FBXO10: variants seen among roughly 807,000 people sequenced by gnomAD.
The protein encoded by FBXO10 is F-box protein 10, also known as F-box only protein 10.
Under a neutral mutation model 80.7 loss-of-function variants are expected in FBXO10, and 39 were observed. That is an observed-to-expected ratio of 0.48 (90% CI 0.37 to 0.63). The LOEUF is 0.63. FBXO10 is among the 30% of genes least tolerant of loss of function. The pLI, the probability that FBXO10 is intolerant of heterozygous loss-of-function variation, is 0.00. For synonymous variants in FBXO10, 449 were observed against 489.6 expected, an observed-to-expected ratio of 0.92 and a Z score of 1.09; for missense variants, 1,025 against 1,269.0, an observed-to-expected ratio of 0.81 and a Z score of 2.92.
intron 10 of FBXO10, among the ~76,000 whole-genome samples, chr9:37,513,096 G>C (rs1434203765): frequency 6.6e-6 from 1 of 152,168 alleles, no homozygotes; most frequent in Admixed American, 6.5e-5. Context: ...CTCCCAAAGT[G>C]CTGGGATTAT....
chr9:37,513,747 G>A (rs1821117488), intron 10 of FBXO10, among the ~76,000 whole-genome samples: 1 of 152,002 alleles, frequency 6.6e-6, no homozygotes, highest in African/African-American at 2.4e-5. Flanking sequence ...GTGCCATGAT[G>A]CCCAGCTAAT....
chr9:37,559,756 G>T (rs909854987), intron 1 of FBXO10, among the ~76,000 whole-genome samples: 5 of 152,188 alleles, frequency 3.3e-5, no homozygotes, highest in African/African-American at 1.2e-4. Flanking sequence ...TTTTCTCTGT[G>T]GCACAGCAAC....
chr9:37,524,054 G>A (rs1427470605), intron 6 of FBXO10, among the ~76,000 whole-genome samples: 2 of 152,326 alleles, frequency 1.3e-5, no homozygotes, highest in South Asian at 2.1e-4. Context: ...GCCTCTTCCT[G>A]TCTCCATGTC....
chr9:37,521,532 GA>G (rs1821344751), intron 8 of FBXO10, 36 bp downstream of exon 8: 1 of 1,495,968 alleles, frequency 6.7e-7, no homozygotes, highest in Non-Finnish European at 8.9e-7. Context: ...GGGAGCCATG[GA>G]AGGTTCTTGA....
intron 4 of FBXO10, among the ~76,000 whole-genome samples, chr9:37,530,759 C>A (rs1821599898): frequency 6.6e-6 from 1 of 152,174 alleles, no homozygotes; most frequent in African/African-American, 2.4e-5. Context: ...CCCACCTCCG[C>A]CTCCCAAGTA....
intron 6 of FBXO10, among the ~76,000 whole-genome samples, chr9:37,523,317 A>C (rs1054000468): frequency 6.6e-6 from 1 of 152,172 alleles, no homozygotes; most frequent in Non-Finnish European, 1.5e-5. Context: ...TAGGAGGCCA[A>C]GGCGGGTAGA....
At chr9:37,547,283 A>G (rs1046014182) in intron 1 of FBXO10, among the ~76,000 whole-genome samples, 1 of 152,320 alleles carries the variant, frequency 6.6e-6, no homozygotes, top group East Asian at 1.9e-4. Context: ...AAGAACATGT[A>G]TGAACCTCAA....
chr9:37,522,606 C>A, intron 7 of FBXO10: 1 of 1,306,692 alleles, frequency 7.7e-7, no homozygotes, highest in Non-Finnish European at 1.0e-6. Context: ...GGGATAAAGC[C>A]TTCTGCTTTG....
chr9:37,537,646 G>C lies in FBXO10; in HGVS notation c.883C>G (p.Leu295Val), dbSNP rs1821805727. The C allele has an allele frequency of 6.2e-7, 1 of 1,614,002 alleles. No homozygotes were observed. The highest frequency in any genetic ancestry group is 8.5e-7 in the Non-Finnish European group (1 of 1,179,896). ...GCCTGGTCCCGGCTCTCTAGGTCCA[G>C]GGACATTAAAAAGTCAGAGTCCTCT... ...PTEDSDFLMS[L>V]DLESRDQAWS... The change falls in exon 3 of 11, where the codon CTG (leucine) becomes GTG (valine). Residue 295 changes from leucine to valine, a missense_variant. Physicochemically the swap from Leu to Val is conservative, Grantham distance 32. Coordinates refer to ENST00000432825, the MANE Select transcript of FBXO10 (RefSeq NM_012166.3).
At chr9:37,513,881 C>T (rs1305397996) in intron 10 of FBXO10, among the ~76,000 whole-genome samples, 3 of 152,214 alleles carry the variant, frequency 2.0e-5, no homozygotes, top group Non-Finnish European at 2.9e-5. Flanking sequence ...TGAGCCACCG[C>T]ACCCGGCCAC....
Position 37,537,623 on chromosome 9 carries a change from C to T in FBXO10, c.906G>A (p.Gln302=). The change falls in exon 3 of 11, where the codon CAG becomes CAA. Residue 302 remains glutamine, a synonymous_variant. Transcript: ENST00000432825. ...LMSLDLESRD[Q]AWSPKTCDIV... ...TGTCACAGGTCTTTGGGCTCCAGGC[C>T]TGGTCCCGGCTCTCTAGGTCCAGGG... 6.2e-7 allele frequency: 1 copy of T among 1,614,004 alleles called. No homozygotes were observed. Among genetic ancestry groups the T allele is most frequent in the Non-Finnish European group, 8.5e-7 (1 of 1,179,884 alleles).
intron 1 of FBXO10, among the ~76,000 whole-genome samples, chr9:37,567,453 C>T (rs1822638237): frequency 6.6e-6 from 1 of 151,358 alleles, no homozygotes; most frequent in Non-Finnish European, 1.5e-5. Flanking sequence ...CCTTACATAT[C>T]GTCTTAATGA....
chr9:37,554,232 C>T (rs530226819), intron 1 of FBXO10, among the ~76,000 whole-genome samples: 1 of 152,354 alleles, frequency 6.6e-6, no homozygotes, highest in African/African-American at 2.4e-5. Context: ...TCTCCCTCCT[C>T]TCTCCTGTCC....
In FBXO10 at chr9:37,541,609, C is replaced by G; in HGVS notation, c.160G>C (p.Glu54Gln). The G allele has an allele frequency of 6.2e-7, 1 of 1,613,688 alleles. No individual in the cohort carries two copies. The highest frequency in any genetic ancestry group is 8.5e-7 in the Non-Finnish European group (1 of 1,179,764). ...TTGGGCCAATTGGGATGGCGGCACT[C>G]GGTGCAACCCAGACACAGCTGCCGC... The part of the protein sequence containing the change: ...RWRQLCLGCT[E>Q]CRHPNWPNQP... The change falls in exon 2 of 11, where the codon GAG becomes CAG. Residue 54 changes from glutamate to glutamine, a missense_variant. Coordinates refer to ENST00000432825, the MANE Select transcript of FBXO10 (RefSeq NM_012166.3).
At chr9:37,555,213 G>C (rs898230882) in intron 1 of FBXO10, among the ~76,000 whole-genome samples, 21 of 152,232 alleles carry the variant, frequency 1.4e-4, no homozygotes, top group Admixed American at 1.3e-3. Context: ...ACCATGCCCA[G>C]GCTGTTGCTG....
At chr9:37,515,136 A>G (rs1408089628) in intron 10 of FBXO10, 1 of 152,092 alleles carries the variant, frequency 6.6e-6, no homozygotes, top group East Asian at 2.0e-4. Flanking sequence ...AGTGATACCA[A>G]CTACAGCAAA....
At chr9:37,541,054 CAG>C (rs1821898582) in intron 2 of FBXO10, 128 bp downstream of exon 2, 1 of 741,560 alleles carries the variant, frequency 1.3e-6, no homozygotes, top group Non-Finnish European at 2.1e-6. Flanking sequence ...GTTCAGCACT[CAG>C]AGGAGTATGA....
At chr9:37,520,935 A>G (rs1031557362) in intron 8 of FBXO10, among the ~76,000 whole-genome samples, 4 of 152,170 alleles carry the variant, frequency 2.6e-5, no homozygotes, top group Non-Finnish European at 5.9e-5. Flanking sequence ...ACAGAAATAA[A>G]TACAGTCGCG....
At chr9:37,527,925 C>A (rs1287491404) in intron 5 of FBXO10, among the ~76,000 whole-genome samples, 5 of 152,012 alleles carry the variant, frequency 3.3e-5, no homozygotes, top group African/African-American at 1.2e-4. Context: ...ATTTTTGAAC[C>A]AGCAATTAGG....
Sources: gnomAD v4.1 joint callset for allele counts (sites outside exome capture counted in the v4.1 genomes callset) on GRCh38, gnomAD v4.1.1 for gene constraint, MANE v1.5 for transcripts, NCBI Gene and HGNC (gene_info 2026-07-23, HGNC 2026-07-21) for gene names.